Variants in SMOC2 observed in about 807,000 individuals in gnomAD.
SMOC2 encodes SPARC related modular calcium binding 2.
A neutral mutation model predicts 61.4 loss-of-function variants in SMOC2; 39 were observed. The ratio of observed to expected loss-of-function variants is 0.64; its 90% CI spans 0.49 to 0.83. The LOEUF (loss-of-function observed/expected upper bound fraction) is 0.83, where lower values mean the gene tolerates loss of function less well. Ranked by LOEUF, SMOC2 falls within the 40% of genes least tolerant of loss-of-function variation. The pLI, the probability that SMOC2 is intolerant of heterozygous loss-of-function variation, is 0.00. For missense variants in SMOC2, 556 were observed against 592.9 expected, an observed-to-expected ratio of 0.94 and a Z score of 0.65; for synonymous variants, 247 against 239.9, an observed-to-expected ratio of 1.03 and a Z score of -0.27.
intron 9 of SMOC2, among the ~76,000 whole-genome samples, chr6:168,615,806 C>A (rs111765040): frequency 0.24 from 34,566 of 143,222 alleles, 5,022 homozygotes; most frequent in Non-Finnish European, 0.25. Context: ...CAAGCAATTG[C>A]TGGCATAATT....
intron 1 of SMOC2, among the ~76,000 whole-genome samples, chr6:168,487,455 G>A (rs370491195): frequency 5.3e-5 from 8 of 152,182 alleles, no homozygotes; most frequent in African/African-American, 1.7e-4. Flanking sequence ...CTCATGCACC[G>A]AAAATTATCG....
At chr6:168,635,613 G>A (rs1276480701) in intron 9 of SMOC2, among the ~76,000 whole-genome samples, 1 of 152,212 alleles carries the variant, frequency 6.6e-6, no homozygotes. Context: ...GCTCACGCCT[G>A]TAATCCCAGC....
chr6:168,554,580 G>T (rs1274788981), intron 7 of SMOC2, among the ~76,000 whole-genome samples: 1 of 152,206 alleles, frequency 6.6e-6, no homozygotes, highest in Non-Finnish European at 1.5e-5. Flanking sequence ...GGCCGTTCTG[G>T]GACTGCGTGT....
intron 9 of SMOC2, among the ~76,000 whole-genome samples, chr6:168,637,203 T>C (rs906005436): frequency 3.9e-5 from 6 of 152,082 alleles, no homozygotes; most frequent in Non-Finnish European, 4.4e-5. Flanking sequence ...TAACCATGTC[T>C]GAAAAAGAAA....
rs551956727 is a variant in SMOC2, at chr6:168,647,053, G to C, written c.908-3628G>C. The stretch of plus-strand genomic sequence containing the variant: ...CTGCCACATGGTGTGGACTTTGAGA[G>C]GGCCTGGCACGTCTAACCCAGGTGG... On this transcript the variant is annotated intron_variant, in intron 9 of 12. Transcript: ENST00000356284. Among the ~76,000 whole-genome samples the C allele has an allele frequency of 9.2e-5, 14 of 152,362 alleles. No homozygotes were observed. The South Asian group carries it at 2.9e-3, about 32-fold the overall frequency.
At chr6:168,634,850 T>C (rs1786670393) in intron 9 of SMOC2, among the ~76,000 whole-genome samples, 1 of 152,244 alleles carries the variant, frequency 6.6e-6, no homozygotes, top group Non-Finnish European at 1.5e-5. Context: ...AAAAAATGTG[T>C]GTGGCTTTTA....
intron 1 of SMOC2, among the ~76,000 whole-genome samples, chr6:168,463,718 C>A (rs1477055034): frequency 6.6e-6 from 1 of 151,830 alleles, no homozygotes; most frequent in African/African-American, 2.4e-5. Context: ...AGAAGACTCT[C>A]CTAACACTTC....
At chr6:168,613,689 C>T in intron 9 of SMOC2, among the ~76,000 whole-genome samples, 1 of 145,780 alleles carries the variant, frequency 6.9e-6, no homozygotes. Context: ...AGCACAGGGC[C>T]TCTTCACACC....
chr6:168,642,536 G>T (rs368837135), intron 9 of SMOC2, among the ~76,000 whole-genome samples: 1 of 145,522 alleles, frequency 6.9e-6, no homozygotes, highest in Admixed American at 9.1e-5. Context: ...TCTCTACTGC[G>T]TGGTGGTTAA....
intron 1 of SMOC2, among the ~76,000 whole-genome samples, chr6:168,463,162 G>A (rs1023075127): frequency 1.3e-5 from 2 of 152,188 alleles, no homozygotes; most frequent in African/African-American, 4.8e-5. Context: ...AACTTCAAAT[G>A]CACTGAACAA....
chr6:168,562,239 C>T (rs1273478593), intron 7 of SMOC2, among the ~76,000 whole-genome samples: 2 of 120,212 alleles, frequency 1.7e-5, no homozygotes, highest in African/African-American at 3.8e-5. Flanking sequence ...TCACTGTGTT[C>T]TCGGAGGAGG....
intron 2 of SMOC2, among the ~76,000 whole-genome samples, chr6:168,524,930 G>T (rs761031174): frequency 6.6e-6 from 1 of 152,248 alleles, no homozygotes; most frequent in African/African-American, 2.4e-5. Context: ...CCGCTGTGAC[G>T]GGTGGAGCCC....
chr6:168,638,573 T>C lies in SMOC2; in HGVS notation c.908-12108T>C, dbSNP rs188259373. ...TGGGCAGAGCACACAGGGCTCCCGC[T>C]CAGAGAGGAGCTCAGCTGGGGAGGA... On this transcript the variant is annotated intron_variant, in intron 9 of 12. Coordinates refer to ENST00000356284, the MANE Select transcript of SMOC2 (RefSeq NM_001166412.2). Among the ~76,000 whole-genome samples the C allele has an allele frequency of 3.7e-3, 559 of 152,252 alleles. 4 individuals are homozygous for C. The highest frequency in any genetic ancestry group is 0.012 in the African/African-American group (513 of 41,542).
chr6:168,571,851 GCGA>G (rs1784675154), intron 7 of SMOC2, among the ~76,000 whole-genome samples: 1 of 138,408 alleles, frequency 7.2e-6, no homozygotes, highest in Admixed American at 7.2e-5. Context: ...CTCCCTGAAC[GCGA>G]TGTTCATTTC....
intron 9 of SMOC2, among the ~76,000 whole-genome samples, chr6:168,629,310 C>T (rs775785544): frequency 3.9e-5 from 6 of 152,222 alleles, no homozygotes; most frequent in Non-Finnish European, 8.8e-5. Flanking sequence ...TTTGATTCTT[C>T]CCACATGGGA....
chr6:168,653,325 C>A, intron 11 of SMOC2, 97 bp downstream of exon 11: 1 of 1,412,448 alleles, frequency 7.1e-7, no homozygotes, highest in Non-Finnish European at 9.6e-7. Context: ...GTGTTTATGG[C>A]CTGGGAGTGC....
Position 168,516,011 on chromosome 6 carries a change from C to T in SMOC2, c.256+5925C>T, listed in dbSNP as rs191537854. On this transcript the variant is annotated intron_variant, in intron 2 of 12. Coordinates refer to ENST00000356284, the MANE Select transcript of SMOC2 (RefSeq NM_001166412.2). ...GGCGCTGGCTAGTGTAGCACAGTGT[C>T]GCCTCGGCACATATGAGGCTGAGGC... Among the ~76,000 whole-genome samples the T allele has an allele frequency of 2.6e-4, 39 of 152,254 alleles. No individual in the cohort carries two copies. The East Asian group carries it at 7.0e-3, about 27-fold the overall frequency.
intron 9 of SMOC2, among the ~76,000 whole-genome samples, chr6:168,643,832 G>A (rs1454912661): frequency 6.6e-6 from 1 of 152,196 alleles, no homozygotes; most frequent in Non-Finnish European, 1.5e-5. Context: ...GTTTCACCAG[G>A]CAGTCACGAG....
chr6:168,592,131 A>G (rs1020000171), intron 7 of SMOC2, among the ~76,000 whole-genome samples: 2 of 152,004 alleles, frequency 1.3e-5, no homozygotes, highest in Non-Finnish European at 2.9e-5. Flanking sequence ...CCTGCCGGTG[A>G]CTCCACCATG....
Sources: allele counts gnomAD v4.1 joint callset (sites outside exome capture counted in the v4.1 genomes callset), GRCh38; gene constraint gnomAD v4.1.1; transcripts MANE v1.5; gene names NCBI Gene and HGNC (gene_info 2026-07-23, HGNC 2026-07-21).